FAM241B: variants seen among roughly 807,000 people sequenced by gnomAD.
FAM241B encodes protein FAM241B.
A neutral mutation model predicts 9.3 loss-of-function variants in FAM241B; 7 were observed. The ratio of observed to expected loss-of-function variants is 0.75; its 90% CI spans 0.43 to 1.41. The LOEUF is 1.41. Ranked by LOEUF, FAM241B falls within the 40% of genes most tolerant of loss-of-function variation. The pLI is 0.01. For missense variants in FAM241B, 136 were observed against 159.6 expected (o/e 0.85, Z 0.80); for synonymous variants, 60 against 64.1 (o/e 0.94, Z 0.31).
intron 1 of FAM241B, among the ~76,000 whole-genome samples, chr10:69,631,043 T>C (rs1839809856): frequency 6.6e-6 from 1 of 152,160 alleles, no homozygotes; most frequent in Admixed American, 6.5e-5. Flanking sequence ...AGCAACACAC[T>C]CGACCCATTT....
At position 69,632,235 on chromosome 10, in the gene FAM241B, C is replaced by T. The variant is rs528011335; in HGVS notation, c.96+396C>T. Among the ~76,000 whole-genome samples the T allele has an allele frequency of 2.7e-4, 41 of 152,008 alleles. No homozygotes were observed. The East Asian group carries it at 2.7e-3, about 10-fold the overall frequency. On this transcript the variant is annotated intron_variant, in intron 3 of 3. Coordinates refer to ENST00000373279, the MANE Select transcript of FAM241B (RefSeq NM_145306.3). The stretch of plus-strand genomic sequence containing the variant: ...CAGCACTTTGGGAGGCTGAGGTGGG[C>T]GGATCAGGAGGCCAGGAGTTTGAGA...
intron 1 of FAM241B, 66 bp downstream of exon 1, chr10:69,630,379 T>C (rs1196524739): frequency 6.5e-6 from 1 of 153,418 alleles, no homozygotes; most frequent in Non-Finnish European, 1.4e-5. Flanking sequence ...TTGGAGCCGG[T>C]GTCGGGCTCC....
At chr10:69,631,939 G>T in intron 3 of FAM241B, 100 bp downstream of exon 3, 2 of 1,361,556 alleles carry the variant, frequency 1.5e-6, no homozygotes, top group Admixed American at 2.3e-5. Flanking sequence ...ACCTTTTCTA[G>T]CCTGAAGCCC....
Position 69,633,431 on chromosome 10 carries a change from C to T in FAM241B, c.*372C>T, listed in dbSNP as rs1335974695. 2.2e-5 allele frequency: 6 copies of T among 270,926 alleles called. No individual in the cohort carries two copies. In the East Asian group the frequency reaches 5.3e-4, roughly 24 times the overall value. 16.8% of individuals were successfully genotyped at this position (270,926 alleles called of 1,614,324 possible). A position where few individuals can be genotyped will look rare whatever the true frequency, so the allele number is the denominator to read the frequency against. ...GAAGACATGCCGACGTCTCCTCTGC[C>T]TAGGGAGCAGGACTTGGGCTTAGGG... On this transcript the variant is annotated 3_prime_UTR_variant, in exon 4 of 4. Coordinates refer to ENST00000373279, the MANE Select transcript of FAM241B (RefSeq NM_145306.3).
chr10:69,631,195 A>G (rs116374845), intron 1 of FAM241B, among the ~76,000 whole-genome samples: 1 of 152,152 alleles, frequency 6.6e-6, no homozygotes, highest in Non-Finnish European at 1.5e-5. Context: ...CGGGCAGGCC[A>G]CTTAAGTCTC....
At position 69,633,052 on chromosome 10, in the gene FAM241B, A is replaced by G. The variant is rs778688304; in HGVS notation, c.359A>G (p.Gln120Arg). 5.0e-6 allele frequency: 8 copies of G among 1,614,132 alleles called. No individual in the cohort carries two copies. In the South Asian group the frequency reaches 5.5e-5, roughly 11 times the overall value. ...GTCTACCTGGTGTCCCACCTGAGTC[A>G]GCGGTGACCTCTGAGGGCTGATAGG... ...GLVYLVSHLS[Q>R]R Residue 120 changes from glutamine to arginine, a missense_variant, in exon 4 of 4, where the codon CAG becomes CGG. Transcript: ENST00000373279.
rs541143828 is a variant in FAM241B, at chr10:69,630,510, G to A, written c.-104+197G>A. The stretch of plus-strand genomic sequence containing the variant: ...CGGGGGCGCGATGACAAAGCACAAA[G>A]GGACTGCGCGCGACCACCATCCGCT... On this transcript the variant is annotated intron_variant, in intron 1 of 3. Coordinates refer to ENST00000373279, the MANE Select transcript of FAM241B (RefSeq NM_145306.3). 1,588 of 615,608 alleles carry A rather than the reference G, an allele frequency of 2.6e-3. 7 individuals carry two copies. Among genetic ancestry groups the A allele is most frequent in the Admixed American group, 3.8e-3 (71 of 18,926 alleles). 38.1% of individuals were successfully genotyped at this position (615,608 alleles called of 1,614,324 possible).
Position 69,633,182 on chromosome 10 carries a change from G to T in FAM241B, c.*123G>T. On this transcript the variant is annotated 3_prime_UTR_variant, in exon 4 of 4. Transcript: ENST00000373279. ...GGTATGATCAGAGAGGGGACCACAG[G>T]TGTGTGTTTCCCCTTTGTGTTAAGC... 2 of 1,368,298 alleles carry T rather than the reference G, an allele frequency of 1.5e-6. No individual in the cohort carries two copies. The highest frequency in any genetic ancestry group is 2.3e-5 in the East Asian group (1 of 43,542). 84.8% of individuals were successfully genotyped at this position (1,368,298 alleles called of 1,614,324 possible). A position where few individuals can be genotyped will look rare whatever the true frequency, so the allele number is the denominator to read the frequency against.
In FAM241B at chr10:69,633,149, G is replaced by A; in HGVS notation, c.*90G>A. 1.3e-6 allele frequency: 2 copies of A among 1,532,304 alleles called. No homozygotes were observed. Among genetic ancestry groups the A allele is most frequent in the Non-Finnish European group, 1.8e-6 (2 of 1,128,322 alleles). 94.9% of individuals were successfully genotyped at this position (1,532,304 alleles called of 1,614,324 possible). A position where few individuals can be genotyped will look rare whatever the true frequency, so the allele number is the denominator to read the frequency against. On this transcript the variant is annotated 3_prime_UTR_variant, in exon 4 of 4. Coordinates refer to ENST00000373279, the MANE Select transcript of FAM241B (RefSeq NM_145306.3). ...GCATATTTGGAGGGGATCTGGTGGTGCCTTGAAGGTATGATCAGAGAGGGG... is the reference window on the plus strand; with the variant it reads ...GCATATTTGGAGGGGATCTGGTGGTACCTTGAAGGTATGATCAGAGAGGGG...
intron 3 of FAM241B, 77 bp downstream of exon 3, chr10:69,631,916 T>A: frequency 6.5e-7 from 1 of 1,539,282 alleles, no homozygotes; most frequent in Non-Finnish European, 8.8e-7. Context: ...GAAGTCTCTC[T>A]TGCTGGTCAC....
chr10:69,630,820 G>C (rs1179349433), intron 1 of FAM241B, among the ~76,000 whole-genome samples: 1 of 152,188 alleles, frequency 6.6e-6, no homozygotes, highest in Non-Finnish European at 1.5e-5. Flanking sequence ...TGGGCCCTGC[G>C]CCCGTTAGCC....
Position 69,631,691 on chromosome 10 carries a change from C to A in FAM241B, c.-35-18C>A, listed in dbSNP as rs200057815. 1,973 of 1,591,968 alleles carry A rather than the reference C, an allele frequency of 1.2e-3. 2 individuals are homozygous for A. Among genetic ancestry groups the A allele is most frequent in the Admixed American group, 2.0e-3 (108 of 55,236 alleles). On this transcript the variant is annotated intron_variant, in intron 2 of 3. Coordinates refer to ENST00000373279, the MANE Select transcript of FAM241B (RefSeq NM_145306.3). Reference sequence around the variant, plus strand: ...ACTTGGCTTCCATTAGCCTGCCCACCCTGACCACACAATGCAGGTGCAGCC... The same window carrying A: ...ACTTGGCTTCCATTAGCCTGCCCACACTGACCACACAATGCAGGTGCAGCC...
intron 1 of FAM241B, chr10:69,630,612 G>A (rs1046607196): frequency 7.7e-7 from 1 of 1,293,656 alleles, no homozygotes; most frequent in Admixed American, 2.4e-5. Context: ...CAAGACCACA[G>A]GGCTCCTGAC....
chr10:69,632,353 G>C (rs1457039129), intron 3 of FAM241B, among the ~76,000 whole-genome samples: 2 of 151,590 alleles, frequency 1.3e-5, no homozygotes, highest in Non-Finnish European at 2.9e-5. Context: ...AGCTACTCAG[G>C]AGGCTGAGGC....
rs764492900 is a variant in FAM241B, at chr10:69,632,937, G to C, written c.244G>C (p.Gly82Arg). 2.2e-5 allele frequency: 35 copies of C among 1,613,980 alleles called. 1 individual carries two copies. The South Asian group carries it at 3.4e-4, about 16-fold the overall frequency. The change falls in exon 4 of 4, where the codon GGC becomes CGC. Residue 82 changes from glycine to arginine, a missense_variant. Physicochemically the swap from Gly to Arg is moderately radical, Grantham distance 125. Coordinates refer to ENST00000373279, the MANE Select transcript of FAM241B (RefSeq NM_145306.3). ...VNMGFPQWHLGNHAVEPVTSI... is the reference protein window; with the variant it reads ...VNMGFPQWHLRNHAVEPVTSI... Reference sequence around the variant, plus strand: ...CATGGGCTTTCCGCAGTGGCATCTTGGCAACCATGCTGTGGAGCCGGTGAC... The same window carrying C: ...CATGGGCTTTCCGCAGTGGCATCTTCGCAACCATGCTGTGGAGCCGGTGAC...
chr10:69,632,686 C>A, intron 3 of FAM241B, 104 bp from the exon 4 acceptor site: 2 of 1,329,864 alleles, frequency 1.5e-6, no homozygotes, highest in Non-Finnish European at 2.1e-6. Context: ...AGGGTGTGAC[C>A]CTGGGTGGCT....
chr10:69,630,793 C>A, intron 1 of FAM241B: 1 of 709,088 alleles, frequency 1.4e-6, no homozygotes, highest in Non-Finnish European at 1.9e-6. Flanking sequence ...CAACCCCCTC[C>A]CATATTTTGG....
At chr10:69,632,755 T>A (rs765980457) in intron 3 of FAM241B, 35 bp from the exon 4 acceptor site, 1 of 1,600,486 alleles carries the variant, frequency 6.2e-7, no homozygotes, top group Non-Finnish European at 8.5e-7. Context: ...GTCAACCCAA[T>A]GATTCATTCA....
rs377527807 is a variant in FAM241B at position 69,631,822 on chromosome 10, G to A, written c.79G>A (p.Gly27Ser). Residue 27 changes from glycine to serine, a missense_variant, in exon 3 of 4, where the codon GGT (glycine) becomes AGT (serine). Gly to Ser is a moderately conservative substitution (Grantham distance 56, BLOSUM62 0). Transcript: ENST00000373279. ...GAGGACCACTACCCAGCCACCAAGA[G>A]GTAGCATTCCTCGACAGGTAGGTAC... Reference protein sequence around the residue: ...RVRTTTQPPRGSIPRQSFFNR... With the variant: ...RVRTTTQPPRSSIPRQSFFNR... 6.2e-7 allele frequency: 1 copy of A among 1,611,644 alleles called. No homozygotes were observed. Among genetic ancestry groups the A allele is most frequent in the African/African-American group, 1.3e-5 (1 of 74,868 alleles).
Sources: gnomAD v4.1 joint callset for allele counts (sites outside exome capture counted in the v4.1 genomes callset) on GRCh38, gnomAD v4.1.1 for gene constraint, MANE v1.5 for transcripts, NCBI Gene and HGNC (gene_info 2026-07-23, HGNC 2026-07-21) for gene names.